MMP8: variants seen among roughly 807,000 people sequenced by gnomAD.
The protein encoded by MMP8 is matrix metallopeptidase 8.
Under a neutral mutation model 51.2 loss-of-function variants are expected in MMP8, and 67 were observed. That is an observed-to-expected ratio of 1.31 (90% confidence interval 1.08 to 1.60). The LOEUF (loss-of-function observed/expected upper bound fraction) is 1.60. MMP8 is among the 40% of genes most tolerant of loss of function. The probability of loss-of-function intolerance (pLI) is 0.00; values close to 1 mark genes in which losing one functional copy is unlikely to be tolerated. For missense variants in MMP8, 654 were observed against 558.1 expected, an observed-to-expected ratio of 1.17 and a Z score of -1.73; for synonymous variants, 225 against 191.0, an observed-to-expected ratio of 1.18 and a Z score of -1.47.
At chr11:102,715,553 A>C in intron 6 of MMP8, 116 bp from the exon 7 acceptor site, 1 of 1,344,478 alleles carries the variant, frequency 7.4e-7, no homozygotes, top group Non-Finnish European at 1.0e-6. Flanking sequence ...GAATATAACA[A>C]TCGAACGAAT....
At chr11:102,714,145 T>A (rs897446572) in intron 8 of MMP8, among the ~76,000 whole-genome samples, 1 of 152,220 alleles carries the variant, frequency 6.6e-6, no homozygotes, top group Non-Finnish European at 1.5e-5. Flanking sequence ...GTATATAGTA[T>A]AACTCCCTTG....
Position 102,713,270 on chromosome 11 carries a change from G to A in MMP8, c.*78C>T, listed in dbSNP as rs1861177612. 4.3e-6 allele frequency: 4 copies of A among 933,100 alleles called. No individual in the cohort carries two copies. The highest frequency in any genetic ancestry group is 7.1e-6 in the Non-Finnish European group (4 of 565,414). The allele number at this position is 933,100 out of a possible 1,614,324, so 57.8% of individuals were successfully genotyped here. On this transcript the variant is annotated 3_prime_UTR_variant, in exon 10 of 10. Coordinates refer to ENST00000236826, the MANE Select transcript of MMP8 (RefSeq NM_002424.3). ...CTTAATATTGAGAAAAGTATAAGCA[G>A]GACACAATGTAACGAAAATGCTTGC... is the stretch of plus-strand genomic sequence containing the variant.
At chr11:102,720,959 T>C (rs984511265) in intron 4 of MMP8, among the ~76,000 whole-genome samples, 7 of 151,618 alleles carry the variant, frequency 4.6e-5, no homozygotes, top group African/African-American at 1.7e-4. Context: ...AATAAAGATA[T>C]TCTAAAGCAG....
Position 102,721,503 on chromosome 11 carries a change from C to A in MMP8, c.520G>T (p.Asp174Tyr), listed in dbSNP as rs1791657408. The change falls in exon 4 of 10, where the codon GAT becomes TAT. Residue 174 changes from aspartate to tyrosine, a missense_variant. Coordinates refer to ENST00000236826, the MANE Select transcript of MMP8 (RefSeq NM_002424.3). The stretch of plus-strand genomic sequence containing the variant: ...TGAGCAAGGATTCCATTGGGTCCAT[C>A]AAATGGAGAATTGTCACCGTGATCT... ...QRDHGDNSPF[D>Y]GPNGILAHAF... is the part of the protein sequence containing the mutation. The A allele has an allele frequency of 1.2e-6, 2 of 1,613,742 alleles. No homozygotes were observed. The highest frequency in any genetic ancestry group is 1.3e-5 in the African/African-American group (1 of 74,884).
At chr11:102,721,026 G>A (rs190591820) in intron 4 of MMP8, among the ~76,000 whole-genome samples, 3 of 152,282 alleles carry the variant, frequency 2.0e-5, no homozygotes, top group Non-Finnish European at 2.9e-5. Flanking sequence ...AATGATCCAT[G>A]TTGCAATTAC....
intron 2 of MMP8, 35 bp downstream of exon 2, chr11:102,722,394 T>TA (rs764805218): frequency 2.1e-5 from 34 of 1,608,896 alleles, no homozygotes; most frequent in Non-Finnish European, 2.5e-5. Context: ...CCATACTGGA[T>TA]AAATGAGTGT....
chr11:102,723,020 G>T, intron 1 of MMP8: 1 of 1,296,218 alleles, frequency 7.7e-7, no homozygotes, highest in Non-Finnish European at 1.0e-6. Flanking sequence ...GGTATTTGTT[G>T]CATCAGTGCA....
At chr11:102,721,798 T>C (rs1222870211) in intron 2 of MMP8, 36 bp from the exon 3 acceptor site, 2 of 1,608,058 alleles carry the variant, frequency 1.2e-6, no homozygotes, top group Non-Finnish European at 1.7e-6. Flanking sequence ...AGTTAAATGT[T>C]ATTTAGAACA....
At position 102,713,591 on chromosome 11, in the gene MMP8, T is replaced by A; in HGVS notation, c.1295-134A>T. The A allele has an allele frequency of 4.0e-6, 4 of 994,978 alleles. 1 individual carries two copies. Among genetic ancestry groups the A allele is most frequent in the Non-Finnish European group, 6.0e-6 (4 of 667,534 alleles). 61.6% of individuals were successfully genotyped at this position (994,978 alleles called of 1,614,324 possible). A position where few individuals can be genotyped will look rare whatever the true frequency, so the allele number is the denominator to read the frequency against. The stretch of plus-strand genomic sequence containing the variant: ...CTATTTAAAAAATTTAAACACCAGG[T>A]GCGGTGGCTAATGCCTGTAATCCCA... On this transcript the variant is annotated intron_variant, in intron 9 of 9. Transcript: ENST00000236826.
Position 102,713,771 on chromosome 11 carries a change from G to T in MMP8, c.1277C>A (p.Ala426Glu). 1 of 1,604,080 alleles carries T rather than the reference G, an allele frequency of 6.2e-7. No individual in the cohort carries two copies. Among genetic ancestry groups the T allele is most frequent in the Non-Finnish European group, 8.5e-7 (1 of 1,176,434 alleles). Residue 426 changes from alanine to glutamate, a missense_variant, in exon 9 of 10, where the codon GCA (alanine) becomes GAA (glutamate). By Grantham distance (107) the Ala-to-Glu change is moderately radical. Coordinates refer to ENST00000236826, the MANE Select transcript of MMP8 (RefSeq NM_002424.3). ...CTACTTACGTTCTTGCTGGAAAACT[G>T]CATCAACTTTACTCTCTATTCCTGG... The part of the protein sequence containing the change: ...AFPGIESKVD[A>E]VFQQEHFFHV...
rs1460728440 is a variant in MMP8, at chr11:102,713,220, T to C, written c.*128A>G. The C allele has an allele frequency of 7.7e-6, 5 of 651,196 alleles. No homozygotes were observed. The highest frequency in any genetic ancestry group is 1.8e-5 in the African/African-American group (1 of 54,718). The allele number at this position is 651,196 out of a possible 1,614,324, so 40.3% of individuals were successfully genotyped here. A position where few individuals can be genotyped will look rare whatever the true frequency, so the allele number is the denominator to read the frequency against. On this transcript the variant is annotated 3_prime_UTR_variant, in exon 10 of 10. Coordinates refer to ENST00000236826, the MANE Select transcript of MMP8 (RefSeq NM_002424.3). The stretch of plus-strand genomic sequence containing the variant: ...ATATTTTCACGGAGGACAGGTAGAA[T>C]GGATACAGTGATGGGAAACAATGAC...
rs574672753 is a variant in MMP8 at position 102,724,039 on chromosome 11, C to A, written c.102+715G>T. 4 of 176,044 alleles carry A rather than the reference C, an allele frequency of 2.3e-5. No individual in the cohort carries two copies. In the South Asian group the frequency reaches 3.2e-4, roughly 14 times the overall value. The allele number at this position is 176,044 out of a possible 1,614,324, so 10.9% of individuals were successfully genotyped here. On this transcript the variant is annotated intron_variant, in intron 1 of 9. Transcript: ENST00000236826. ...TAGCAGTTGCCTTGCATAGAATAAG[C>A]ACTCAATGGACTTTACATTAACCCG... is the stretch of plus-strand genomic sequence containing the variant.
intron 5 of MMP8, among the ~76,000 whole-genome samples, chr11:102,717,540 A>C (rs968454040): frequency 1.3e-5 from 2 of 152,148 alleles, no homozygotes; most frequent in Non-Finnish European, 2.9e-5. Flanking sequence ...TTAAAGACCC[A>C]TCTGTACTGT....
chr11:102,724,221 A>G (rs762236616), intron 1 of MMP8, among the ~76,000 whole-genome samples: 1 of 152,212 alleles, frequency 6.6e-6, no homozygotes, highest in Non-Finnish European at 1.5e-5. Context: ...GAAAAAAACT[A>G]TTGGTTCTGC....
chr11:102,715,507 T>C (rs1861266260), intron 6 of MMP8, 70 bp from the exon 7 acceptor site: 2 of 1,539,504 alleles, frequency 1.3e-6, no homozygotes, highest in Non-Finnish European at 8.7e-7. Flanking sequence ...TCCTGTGACT[T>C]TTAGGCTAGT....
At chr11:102,723,083 T>A in intron 1 of MMP8, 1 of 1,281,890 alleles carries the variant, frequency 7.8e-7, no homozygotes, top group Non-Finnish European at 1.0e-6. Context: ...TTTATTCTGC[T>A]GAACAAACAG....
chr11:102,723,980 T>G (rs1188793831), intron 1 of MMP8: 1 of 267,092 alleles, frequency 3.7e-6, no homozygotes, highest in East Asian at 1.0e-4. Flanking sequence ...AATAAGGTTC[T>G]TGTGAGGATT....
rs1235560716 is a variant in MMP8, at chr11:102,721,611, T to A, written c.496+3A>T. ...AAACTGAGCATGACTGCTTTGTACC[T>A]ACCTCTTTGGTAAAAAGCAATGTTG... is the stretch of plus-strand genomic sequence containing the variant. On this transcript the variant is annotated splice_donor_region_variant and intron_variant, in intron 3 of 9. Coordinates refer to ENST00000236826, the MANE Select transcript of MMP8 (RefSeq NM_002424.3). 6.2e-7 allele frequency: 1 copy of A among 1,613,660 alleles called. No homozygotes were observed. The highest frequency in any genetic ancestry group is 1.1e-5 in the South Asian group (1 of 91,068).
At chr11:102,724,196 G>A (rs900927697) in intron 1 of MMP8, among the ~76,000 whole-genome samples, 15 of 152,168 alleles carry the variant, frequency 9.9e-5, no homozygotes, top group African/African-American at 3.6e-4. Flanking sequence ...TTCACTTTCA[G>A]ACTGTGAAAC....
Sources: gnomAD v4.1 joint callset for allele counts (sites outside exome capture counted in the v4.1 genomes callset) on GRCh38, gnomAD v4.1.1 for gene constraint, MANE v1.5 for transcripts, NCBI Gene and HGNC (gene_info 2026-07-23, HGNC 2026-07-21) for gene names.